Variants in CFAP70 observed in about 807,000 individuals in gnomAD.
CFAP70 encodes the protein cilia and flagella associated protein 70.
In CFAP70, 81 loss-of-function variants were observed where a neutral mutation model predicts 137.6. The observed-to-expected ratio is 0.59, with a 90% CI of 0.49 to 0.71. The LOEUF is 0.71. CFAP70 is among the 30% of genes least tolerant of loss of function. The probability of loss-of-function intolerance (pLI) is 0.00; values close to 1 mark genes in which losing one functional copy is unlikely to be tolerated. For synonymous variants in CFAP70, 382 were observed against 423.6 expected, an observed-to-expected ratio of 0.90 and a Z score of 1.20; for missense variants, 976 against 1,226.7, an observed-to-expected ratio of 0.80 and a Z score of 3.05.
chr10:73,343,061 T>C (rs1452565944), intron 5 of CFAP70, among the ~76,000 whole-genome samples: 3 of 151,826 alleles, frequency 2.0e-5, no homozygotes, highest in Admixed American at 1.3e-4. Context: ...ATACAAAAAA[T>C]TAGCCGGGCC....
chr10:73,287,946 G>A (rs2047871795), intron 19 of CFAP70, among the ~76,000 whole-genome samples: 1 of 152,020 alleles, frequency 6.6e-6, no homozygotes, highest in African/African-American at 2.4e-5. Context: ...CACCCAGGCT[G>A]GAGTGCAGTG....
At chr10:73,263,593 C>A (rs1050171056) in intron 25 of CFAP70, among the ~76,000 whole-genome samples, 6 of 152,144 alleles carry the variant, frequency 3.9e-5, no homozygotes, top group Non-Finnish European at 8.8e-5. Context: ...GAACTTTTAA[C>A]AGGAATACCA....
At chr10:73,289,818 G>T (rs1266555958) in intron 19 of CFAP70, among the ~76,000 whole-genome samples, 2 of 152,028 alleles carry the variant, frequency 1.3e-5, no homozygotes, top group Non-Finnish European at 2.9e-5. Context: ...GGCCGAGGCA[G>T]GCAGATTGCC....
intron 25 of CFAP70, among the ~76,000 whole-genome samples, chr10:73,263,163 G>A (rs1000914266): frequency 5.9e-5 from 9 of 152,182 alleles, no homozygotes; most frequent in African/African-American, 2.2e-4. Context: ...GTGTAGTGGT[G>A]TGAACAGGTC....
intron 25 of CFAP70, among the ~76,000 whole-genome samples, chr10:73,259,390 C>T (rs955304081): frequency 6.6e-5 from 10 of 152,182 alleles, no homozygotes; most frequent in African/African-American, 2.2e-4. Context: ...TCTTCTCATA[C>T]ATGTATTAAC....
intron 11 of CFAP70, 111 bp from the exon 13 acceptor site, chr10:73,310,360 C>T: frequency 1.6e-6 from 1 of 610,808 alleles, no homozygotes; most frequent in Non-Finnish European, 2.8e-6. Flanking sequence ...GCATATATAA[C>T]TACATATACA....
chr10:73,312,719 A>G, intron 9 of CFAP70, 76 bp from the exon 11 acceptor site: 26 of 1,281,974 alleles, frequency 2.0e-5, no homozygotes, highest in Non-Finnish European at 2.7e-5. Context: ...ATTTTTTTTT[A>G]CCATTTAGTC....
intron 25 of CFAP70, among the ~76,000 whole-genome samples, chr10:73,267,666 T>C (rs80349090): frequency 0.046 from 6,930 of 152,294 alleles, 479 homozygotes; most frequent in African/African-American, 0.15. Context: ...CCATTTATCA[T>C]ATCACATTTT....
intron 9 of CFAP70, among the ~76,000 whole-genome samples, chr10:73,318,160 G>A (rs1417078043): frequency 6.6e-6 from 1 of 152,112 alleles, no homozygotes; most frequent in East Asian, 1.9e-4. Context: ...CAGACACGAA[G>A]GCCTCAAACT....
chr10:73,358,325 T>C (rs1476139749), intron 1 of CFAP70, among the ~76,000 whole-genome samples: 1 of 152,210 alleles, frequency 6.6e-6, no homozygotes, highest in Admixed American at 6.5e-5. Flanking sequence ...GTGGGGACTC[T>C]TGTTGCCCCC....
chr10:73,319,663 A>G (rs186304600), intron 9 of CFAP70, among the ~76,000 whole-genome samples: 53 of 152,270 alleles, frequency 3.5e-4, no homozygotes, highest in Non-Finnish European at 6.6e-4. Flanking sequence ...ACACCCTGCA[A>G]TGAAAGCCTT....
chr10:73,335,536 A>T lies in CFAP70; in HGVS notation c.583-12T>A. 1 of 1,595,802 alleles carries T rather than the reference A, an allele frequency of 6.3e-7. No homozygotes were observed. The highest frequency in any genetic ancestry group is 8.6e-7 in the Non-Finnish European group (1 of 1,165,276). Reference sequence around the variant, plus strand: ...CTAAATTCGCTGTCCTGTAAAATATAAATACTTCTGTTCTCGGTATGTGTG... The same window carrying T: ...CTAAATTCGCTGTCCTGTAAAATATTAATACTTCTGTTCTCGGTATGTGTG... On this transcript the variant is annotated splice_polypyrimidine_tract_variant and intron_variant, in intron 6 of 26. Coordinates refer to ENST00000310715, the Ensembl canonical transcript of CFAP70.
At chr10:73,337,902 A>G (rs567649056) in intron 6 of CFAP70, among the ~76,000 whole-genome samples, 2 of 152,138 alleles carry the variant, frequency 1.3e-5, no homozygotes, top group Non-Finnish European at 2.9e-5. Context: ...AGGAAACTCC[A>G]TCTCAAAAAA....
intron 12 of CFAP70, among the ~76,000 whole-genome samples, chr10:73,302,350 T>C (rs1018523436): frequency 1.3e-5 from 2 of 152,164 alleles, no homozygotes; most frequent in African/African-American, 4.8e-5. Flanking sequence ...AGAAAGTTCC[T>C]CAAGGAGGGT....
chr10:73,266,467 A>G (rs2045784128), intron 25 of CFAP70, among the ~76,000 whole-genome samples: 1 of 152,050 alleles, frequency 6.6e-6, no homozygotes, highest in Non-Finnish European at 1.5e-5. Context: ...GTGTGTATGT[A>G]TATGTGTTAT....
intron 9 of CFAP70, among the ~76,000 whole-genome samples, chr10:73,319,701 A>G (rs998039472): frequency 3.3e-5 from 5 of 152,214 alleles, no homozygotes; most frequent in Non-Finnish European, 7.3e-5. Context: ...ACCTTGGTGC[A>G]TATATGTGGT....
intron 6 of CFAP70, among the ~76,000 whole-genome samples, chr10:73,340,189 G>A (rs751391007): frequency 5.3e-5 from 8 of 151,190 alleles, no homozygotes; most frequent in African/African-American, 1.5e-4. Context: ...CAGGCAGGGC[G>A]TCCTGATGAG....
chr10:73,351,413 C>T (rs1376471721), intron 3 of CFAP70, among the ~76,000 whole-genome samples: 1 of 151,478 alleles, frequency 6.6e-6, no homozygotes, highest in Non-Finnish European at 1.5e-5. Flanking sequence ...CCACTGCACC[C>T]AGTCATTGTT....
chr10:73,345,227 A>T (rs772063044), intron 4 of CFAP70: 2 of 1,614,098 alleles, frequency 1.2e-6, no homozygotes, highest in Non-Finnish European at 8.5e-7. Flanking sequence ...CTAATACTTT[A>T]ACTTCAAGAC....
Sources: gnomAD v4.1 joint callset for allele counts (sites outside exome capture counted in the v4.1 genomes callset) on GRCh38, gnomAD v4.1.1 for gene constraint, MANE v1.5 for transcripts, NCBI Gene and HGNC (gene_info 2026-07-23, HGNC 2026-07-21) for gene names.